The following DAB1 variants were observed in gnomAD, a reference collection of about 807,000 sequenced individuals.
DAB1 encodes the protein DAB adaptor protein 1.
In DAB1, 15 loss-of-function variants were observed where a neutral mutation model predicts 64.6. The observed-to-expected ratio is 0.23, with a 90% confidence interval of 0.16 to 0.36. The LOEUF (loss-of-function observed/expected upper bound fraction) is 0.36, where lower values mean the gene tolerates loss of function less well. DAB1 is among the 10% of genes least tolerant of loss of function. The pLI is 1.00. For missense variants in DAB1, 596 were observed against 706.7 expected, an observed-to-expected ratio of 0.84 and a Z score of 1.78; for synonymous variants, 235 against 251.9, an observed-to-expected ratio of 0.93 and a Z score of 0.64.
chr1:57,250,089 C>T (rs1048359509), intron 2 of DAB1, among the ~76,000 whole-genome samples: 9 of 152,138 alleles, frequency 5.9e-5, no homozygotes, highest in African/African-American at 2.2e-4. Flanking sequence ...CTGAACTCAA[C>T]TGCAGAGGAG....
chr1:58,293,926 G>C (rs1482914916), intron 4 of DAB1, among the ~76,000 whole-genome samples: 1 of 152,196 alleles, frequency 6.6e-6, no homozygotes, highest in Non-Finnish European at 1.5e-5. Flanking sequence ...GAGTCCTCCT[G>C]AGCTCACAGT....
At chr1:58,243,419 C>T (rs1368621668) in intron 4 of DAB1, among the ~76,000 whole-genome samples, 2 of 151,954 alleles carry the variant, frequency 1.3e-5, no homozygotes, top group Non-Finnish European at 2.9e-5. Context: ...GTCCGCCTGC[C>T]CCTTTGAGAT....
intron 5 of DAB1, among the ~76,000 whole-genome samples, chr1:57,928,321 A>G (rs1570011482): frequency 6.6e-6 from 1 of 151,988 alleles, no homozygotes; most frequent in Non-Finnish European, 1.5e-5. Flanking sequence ...TGGGTTCACA[A>G]TAAAATTCAG....
At chr1:57,128,698 T>C (rs1657373693) in intron 4 of DAB1, among the ~76,000 whole-genome samples, 1 of 152,114 alleles carries the variant, frequency 6.6e-6, no homozygotes, top group South Asian at 2.1e-4. Context: ...CTCTGGATCT[T>C]TGAGACTAGT....
At chr1:57,679,116 G>A (rs373548490) in intron 6 of DAB1, among the ~76,000 whole-genome samples, 1 of 152,056 alleles carries the variant, frequency 6.6e-6, no homozygotes, top group Non-Finnish European at 1.5e-5. Flanking sequence ...AATGAATATG[G>A]TATACAGAGA....
At chr1:57,950,101 T>A (rs573680012) in intron 5 of DAB1, among the ~76,000 whole-genome samples, 13 of 152,278 alleles carry the variant, frequency 8.5e-5, no homozygotes, top group African/African-American at 2.9e-4. Flanking sequence ...AATATTTCAA[T>A]AAGGAAAGCA....
intron 7 of DAB1, among the ~76,000 whole-genome samples, chr1:57,638,775 G>A (rs1424106629): frequency 6.6e-6 from 1 of 151,790 alleles, no homozygotes; most frequent in East Asian, 1.9e-4. Context: ...AAATGGTATG[G>A]AAAGAGTTGG....
At chr1:57,216,178 T>C (rs1666413992) in intron 2 of DAB1, among the ~76,000 whole-genome samples, 1 of 151,972 alleles carries the variant, frequency 6.6e-6, no homozygotes, top group Non-Finnish European at 1.5e-5. Flanking sequence ...TTAGATTTTA[T>C]TCTTCAGTTT....
intron 5 of DAB1, among the ~76,000 whole-genome samples, chr1:57,963,178 T>C (rs1273674989): frequency 6.6e-6 from 1 of 152,176 alleles, no homozygotes; most frequent in Non-Finnish European, 1.5e-5. Context: ...AGGTCCCTAT[T>C]TTCCTGGGCT....
intron 2 of DAB1, among the ~76,000 whole-genome samples, chr1:57,289,518 A>C (rs371381124): frequency 2.0e-5 from 3 of 152,334 alleles, no homozygotes; most frequent in Admixed American, 1.3e-4. Flanking sequence ...TTTAGGGAAC[A>C]AAATAGACTG....
At position 58,071,368 on chromosome 1, in the gene DAB1, GT is replaced by G. The variant is rs1649241297; in HGVS notation, n.387+79142del. Among the ~76,000 whole-genome samples, 3 of 122,564 alleles carry G rather than the reference GT, an allele frequency of 2.4e-5. No homozygotes were observed. In the East Asian group the frequency reaches 6.0e-4, roughly 25 times the overall value. The allele number at this position is 122,564 out of a possible 152,430, so 80.4% of individuals were successfully genotyped here. A position where few individuals can be genotyped will look rare whatever the true frequency, so the allele number is the denominator to read the frequency against. On this transcript the variant is annotated intron_variant and non_coding_transcript_variant, in intron 5 of 20. Transcript: ENST00000485760. ...TACCTCCATCAAAGGAGAATGGTGTGTGTGTGTGTGTGTGTGTGTGTGTGTG... is the reference window on the plus strand; with the variant it reads ...TACCTCCATCAAAGGAGAATGGTGTGGTGTGTGTGTGTGTGTGTGTGTGTG...
intron 3 of DAB1, among the ~76,000 whole-genome samples, chr1:58,475,677 T>G (rs2100338669): frequency 6.6e-6 from 1 of 152,290 alleles, no homozygotes; most frequent in South Asian, 2.1e-4. Flanking sequence ...TTAGAATATA[T>G]TAACAAGAAT....
intron 5 of DAB1, among the ~76,000 whole-genome samples, chr1:58,112,473 A>T (rs112435876): frequency 1.1e-4 from 17 of 152,216 alleles, no homozygotes; most frequent in African/African-American, 3.9e-4. Context: ...TACTCTTTCA[A>T]CTCCCAGCTG....
intron 4 of DAB1, among the ~76,000 whole-genome samples, chr1:58,190,263 C>A (rs138690251): frequency 2.6e-5 from 4 of 152,144 alleles, no homozygotes; most frequent in Non-Finnish European, 5.9e-5. Flanking sequence ...CACATTGGGT[C>A]AAAGATGGAG....
rs752114395 is a variant in DAB1 at position 58,171,600 on chromosome 1, A to G, written n.310-21012T>C. ...GATGCCTTATTCTGTATTCCCCTGC[A>G]CTCTGACTCCCAGTTTCTCTTTGCC... On this transcript the variant is annotated intron_variant and non_coding_transcript_variant, in intron 4 of 20. Transcript: ENST00000485760. 6.6e-5 allele frequency among the ~76,000 whole-genome samples: 10 copies of G among 152,066 alleles called. No individual in the cohort carries two copies. The East Asian group carries it at 7.7e-4, about 12-fold the overall frequency.
At chr1:58,084,233 A>G (rs773323177) in intron 5 of DAB1, among the ~76,000 whole-genome samples, 3 of 152,178 alleles carry the variant, frequency 2.0e-5, no homozygotes, top group Non-Finnish European at 2.9e-5. Context: ...TTTCTGAAAC[A>G]AGGAAAACAT....
chr1:57,828,192 G>A (rs1282206001), intron 1 of DAB1, among the ~76,000 whole-genome samples: 1 of 152,176 alleles, frequency 6.6e-6, no homozygotes, highest in Admixed American at 6.5e-5. Flanking sequence ...TGATCCGCCC[G>A]CCTCCGCCTT....
chr1:57,323,633 A>C (rs1366402736), intron 1 of DAB1, among the ~76,000 whole-genome samples: 1 of 152,152 alleles, frequency 6.6e-6, no homozygotes, highest in East Asian at 1.9e-4. Flanking sequence ...AAACTCAGCT[A>C]TGTTGTATGC....
chr1:57,625,411 A>G (rs1409331177), intron 7 of DAB1, among the ~76,000 whole-genome samples: 1 of 152,110 alleles, frequency 6.6e-6, no homozygotes, highest in Non-Finnish European at 1.5e-5. Context: ...GCTAGGCACT[A>G]GCAGAGGATA....
Sources: allele counts gnomAD v4.1 joint callset (sites outside exome capture counted in the v4.1 genomes callset), GRCh38; gene constraint gnomAD v4.1.1; transcripts MANE v1.5; gene names NCBI Gene and HGNC (gene_info 2026-07-23, HGNC 2026-07-21).